The following SLC38A5 variants were observed in gnomAD, a reference collection of about 807,000 sequenced individuals.
SLC38A5 encodes the protein solute carrier family 38 member 5, also known as sodium-coupled neutral amino acid transporter 5.
In SLC38A5, 9 loss-of-function variants were observed where a neutral mutation model predicts 34.6. The ratio of observed to expected loss-of-function variants is 0.26; its 90% CI spans 0.16 to 0.45. SLC38A5 has a LOEUF of 0.45. SLC38A5 is among the 20% of genes least tolerant of loss of function. The pLI, the probability that SLC38A5 is intolerant of heterozygous loss-of-function variation, is 1.00. For missense variants in SLC38A5, 253 were observed against 394.7 expected (o/e 0.64, Z 3.04); for synonymous variants, 157 against 155.6 (o/e 1.01, Z -0.07).
At position 48,460,965 on chromosome X, in the gene SLC38A5, C is replaced by A; in HGVS notation, c.952+21G>T. 3 of 1,157,864 alleles carry A rather than the reference C, an allele frequency of 2.6e-6. No individual in the cohort carries two copies. The South Asian group carries it at 5.6e-5, about 22-fold the overall frequency. ...CCCAGGCCTTCCCCCTCCCCCCAGC[C>A]CTAGCCCCAGCCCCACTCACTGTAG... On this transcript the variant is annotated intron_variant, in intron 13 of 16. Transcript: ENST00000620913.
Position 48,462,081 on chromosome X carries a change from C to T in SLC38A5, c.697G>A (p.Glu233Lys), listed in dbSNP as rs781911200. The change falls in exon 11 of 17, where the codon GAA (glutamate) becomes AAA (lysine). Residue 233 changes from glutamate to lysine, a missense_variant. By Grantham distance (56) the Glu-to-Lys change is moderately conservative. Coordinates refer to ENST00000620913, the MANE Select transcript of SLC38A5 (RefSeq NM_033518.4). Reference protein sequence around the residue: ...IGHNETAMESEALVGLPSQGL... With the variant: ...IGHNETAMESKALVGLPSQGL... ...TGGCTGGGGAGTCCCACGAGAGCTT[C>T]ACTCTCCATTGCTGTTTCATTGTGG... 8.5e-7 allele frequency: 1 copy of T among 1,171,730 alleles called. No homozygotes were observed. Among genetic ancestry groups the T allele is most frequent in the South Asian group, 2.0e-5 (1 of 50,860 alleles).
intron 9 of SLC38A5, 42 bp from the exon 10 acceptor site, chrX:48,462,333 G>A (rs375332644): frequency 6.6e-5 from 77 of 1,164,436 alleles, no homozygotes; most frequent in Admixed American, 1.4e-4. Context: ...TCAGCCAGGC[G>A]TGGTGGCTCA....
intron 11 of SLC38A5, 81 bp from the exon 12 acceptor site, chrX:48,461,878 C>T (rs1316524054): frequency 2.1e-5 from 22 of 1,051,387 alleles, no homozygotes; most frequent in Non-Finnish European, 2.7e-5. Flanking sequence ...GCCCCGTAAT[C>T]GCCCTCCATA....
At chrX:48,462,829 G>T in intron 9 of SLC38A5, 69 bp downstream of exon 9, 1 of 849,219 alleles carries the variant, frequency 1.2e-6, no homozygotes, top group African/African-American at 2.0e-5. Flanking sequence ...AAAATGAATG[G>T]GGGTTTTCTC....
In SLC38A5 at chrX:48,462,021, T is replaced by C; in HGVS notation, c.757A>G (p.Thr253Ala). 8.7e-7 allele frequency: 1 copy of C among 1,152,601 alleles called. No homozygotes were observed. The highest frequency in any genetic ancestry group is 1.2e-6 in the Non-Finnish European group (1 of 865,947). 95.0% of individuals were successfully genotyped at this position (1,152,601 alleles called of 1,213,427 possible). The change falls in exon 11 of 17, where the codon ACA becomes GCA. Residue 253 changes from threonine (T) to alanine (A), a missense_variant. Around this residue, in one of 3 missense-constraint regions of SLC38A5, gnomAD observed 176 missense variants for 273.0 expected, o/e 0.64. Transcript: ENST00000620913. Reference sequence around the variant, plus strand: ...TGCACACACACCTGTGAGTCAACTGTGAACATCTGGGCCTCACAGCTGCTG... The same window carrying C: ...TGCACACACACCTGTGAGTCAACTGCGAACATCTGGGCCTCACAGCTGCTG... The part of the protein sequence containing the change: ...LNSSCEAQMF[T>A]VDSQMSYTVP...
At position 48,466,876 on chromosome X, in the gene SLC38A5, C is replaced by A. The variant is rs782289906; in HGVS notation, c.246-4G>T. The A allele has an allele frequency of 5.8e-6, 7 of 1,202,913 alleles. No individual in the cohort carries two copies. Among genetic ancestry groups the A allele is most frequent in the Admixed American group, 2.2e-5 (1 of 44,999 alleles). ...CGCAATGCACAGCAGCAGGGCCCTG[C>A]GGCAGGTGGCACAGCTCAGACCTGG... On this transcript the variant is annotated splice_region_variant and splice_polypyrimidine_tract_variant and intron_variant, in intron 5 of 16. Transcript: ENST00000620913.
chrX:48,459,512 C>T (rs1556961368), intron 16 of SLC38A5, 24 bp downstream of exon 16: 2 of 1,082,776 alleles, frequency 1.8e-6, no homozygotes, highest in East Asian at 6.5e-5. Context: ...CCCTCTCTCC[C>T]TAGCTCTGCC....
intron 7 of SLC38A5, 53 bp downstream of exon 7, chrX:48,466,177 A>AC: frequency 2.7e-6 from 3 of 1,100,848 alleles, no homozygotes; most frequent in Non-Finnish European, 3.7e-6. Flanking sequence ...GGGGAAGCCC[A>AC]CCTCACTCCG....
intron 2 of SLC38A5, chrX:48,468,901 G>A: frequency 1.3e-6 from 1 of 753,123 alleles, no homozygotes; most frequent in South Asian, 6.8e-5. Flanking sequence ...TCCTGGGGTG[G>A]GGGTGTCTCT....
chrX:48,459,479 G>T, intron 16 of SLC38A5, 57 bp downstream of exon 16: 1 of 1,005,489 alleles, frequency 9.9e-7, no homozygotes. Flanking sequence ...ATCCTGGAGT[G>T]AGCACTCCCT....
rs146859912 is a variant in SLC38A5, at chrX:48,467,751, G to C, written c.88C>G (p.Arg30Gly). Residue 30 changes from arginine (R) to glycine (G), a missense_variant, in exon 4 of 17, where the codon CGT becomes GGT. Arg to Gly is a moderately radical substitution (Grantham distance 125, BLOSUM62 -2). Coordinates refer to ENST00000620913, the MANE Select transcript of SLC38A5 (RefSeq NM_033518.4). ...RQEREGFLPS[R>G]GPAPGSKPVQ... is the part of the protein sequence containing the mutation. ...GGCTTGCTCCCAGGAGCAGGACCAC[G>C]ACTGGGCAGGAAGCCCTCACGTTCT... The C allele has an allele frequency of 7.4e-6, 9 of 1,208,316 alleles. No individual in the cohort carries two copies. The highest frequency in any genetic ancestry group is 1.0e-5 in the Non-Finnish European group (9 of 894,003).
At position 48,461,816 on chromosome X, in the gene SLC38A5, A is replaced by G; in HGVS notation, c.772-19T>C. ...AGGACATCTAGGGGAATGCCCGAGT[A>G]CATGGGATTAGAGCCAACAGGGGTC... On this transcript the variant is annotated intron_variant, in intron 11 of 16. Coordinates refer to ENST00000620913, the MANE Select transcript of SLC38A5 (RefSeq NM_033518.4). 3 of 1,201,229 alleles carry G rather than the reference A, an allele frequency of 2.5e-6. No homozygotes were observed. Among genetic ancestry groups the G allele is most frequent in the Non-Finnish European group, 3.4e-6 (3 of 888,921 alleles).
In SLC38A5 at chrX:48,466,332, G is replaced by T; in HGVS notation, c.320-10C>A. ...TCATAGGCTCGGATGCCTAGCGGGG[G>T]GAGTCAGGAACAGGGTTGAAGGTCC... On this transcript the variant is annotated splice_polypyrimidine_tract_variant and intron_variant, in intron 6 of 16. Transcript: ENST00000620913. 8.4e-7 allele frequency: 1 copy of T among 1,186,938 alleles called. No homozygotes were observed.
Position 48,468,579 on chromosome X carries a change from G to A in SLC38A5, c.-1-654C>T, listed in dbSNP as rs782075394. The A allele has an allele frequency of 1.0e-4, 21 of 201,423 alleles. No homozygotes were observed. The South Asian group carries it at 3.8e-3, about 37-fold the overall frequency. The allele number at this position is 201,423 out of a possible 1,213,427, so 16.6% of individuals were successfully genotyped here. A position where few individuals can be genotyped will look rare whatever the true frequency, so the allele number is the denominator to read the frequency against. ...GACGCTGCAAACTGCTCTCTGCCAC[G>A]ACTCTGAATATCCTCACTAGAAGCC... On this transcript the variant is annotated intron_variant, in intron 2 of 16. Transcript: ENST00000620913.
intron 9 of SLC38A5, among the ~76,000 whole-genome samples, 184 bp from the exon 10 acceptor site, chrX:48,462,475 C>T (rs1195795585): frequency 9.0e-6 from 1 of 110,844 alleles, no homozygotes; most frequent in Non-Finnish European, 1.9e-5. Flanking sequence ...GGTGTGGTGG[C>T]GCATACACCT....
chrX:48,462,529 A>G (rs782338981), intron 9 of SLC38A5, among the ~76,000 whole-genome samples: 1 of 110,973 alleles, frequency 9.0e-6, no homozygotes, highest in East Asian at 2.8e-4. Context: ...GAATCGCTTG[A>G]ACCGGGAGGC....
At chrX:48,467,982 T>C in intron 2 of SLC38A5, 57 bp from the exon 3 acceptor site, 1 of 1,073,793 alleles carries the variant, frequency 9.3e-7, no homozygotes, top group Non-Finnish European at 1.3e-6. Context: ...TGCTTCAAAG[T>C]GAGGGGAGCT....
At position 48,467,047 on chromosome X, in the gene SLC38A5, CT is replaced by C; in HGVS notation, c.159del (p.Val54CysfsTer47). On this transcript the variant is annotated frameshift_variant, in exon 5 of 17. Transcript: ENST00000620913. LOFTEE classifies it high-confidence loss of function. The stretch of plus-strand genomic sequence containing the variant: ...ATGATGGCGTTGCTGAGGTTGAACA[CT>C]GACATTCCAAACGATGTCTTCCCCT... ...DFEGKTSFGM[S>X]VFNLSNAIMG... 8.3e-7 allele frequency: 1 copy of C among 1,212,022 alleles called. No individual in the cohort carries two copies. Among genetic ancestry groups the C allele is most frequent in the Non-Finnish European group, 1.1e-6 (1 of 895,483 alleles).
chrX:48,465,451 GAC>G (rs2061469098), intron 8 of SLC38A5, among the ~76,000 whole-genome samples: 2 of 111,822 alleles, frequency 1.8e-5, no homozygotes, highest in South Asian at 7.4e-4. Flanking sequence ...CGTGCACACA[GAC>G]ACACTGCTGG....
Sources: gnomAD v4.1 joint callset for allele counts (sites outside exome capture counted in the v4.1 genomes callset) on GRCh38, gnomAD v4.1.1 for gene constraint, gnomAD v4.1.1 regional missense constraint, MANE v1.5 for transcripts, NCBI Gene and HGNC (gene_info 2026-07-23, HGNC 2026-07-21) for gene names.